Variants in LRRC3B observed in about 807,000 individuals in gnomAD.
LRRC3B encodes the protein leucine rich repeat containing 3B.
Under a neutral mutation model 12.8 loss-of-function variants are expected in LRRC3B, and 2 were observed. The observed-to-expected ratio is 0.16, with a 90% CI of 0.06 to 0.49. LRRC3B has a LOEUF of 0.49. LRRC3B is among the 20% of genes least tolerant of loss of function. The pLI, the probability that LRRC3B is intolerant of heterozygous loss-of-function variation, is 0.96. For synonymous variants in LRRC3B, 132 were observed against 122.0 expected, an observed-to-expected ratio of 1.08 and a Z score of -0.54; for missense variants, 189 against 319.4, an observed-to-expected ratio of 0.59 and a Z score of 3.11.
chr3:26,670,395 A>T (rs1365056360), intron 1 of LRRC3B, among the ~76,000 whole-genome samples: 1 of 152,198 alleles, frequency 6.6e-6, no homozygotes, highest in Non-Finnish European at 1.5e-5. Context: ...TAGATTATAC[A>T]GTGAAATGTT....
chr3:26,659,902 A>G (rs1248144142), intron 1 of LRRC3B, among the ~76,000 whole-genome samples: 1 of 152,188 alleles, frequency 6.6e-6, no homozygotes, highest in African/African-American at 2.4e-5. Context: ...TCTTTTGGAA[A>G]GGTGTTTCAT....
Position 26,709,594 on chromosome 3 carries a change from G to A in LRRC3B, c.-79G>A. On this transcript the variant is annotated 5_prime_UTR_variant, in exon 2 of 2. It adds an upstream start codon to the 5' untranslated region. Coordinates refer to ENST00000396641, the Ensembl canonical transcript of LRRC3B. The stretch of plus-strand genomic sequence containing the variant: ...GAAACACGCAAGAAGGAAATCAATA[G>A]TGTGGACAGGGCTGGAACCTTTACC... 7.3e-7 allele frequency: 1 copy of A among 1,379,066 alleles called. No homozygotes were observed. Among genetic ancestry groups the A allele is most frequent in the Non-Finnish European group, 1.0e-6 (1 of 994,920 alleles). 85.4% of individuals were successfully genotyped at this position (1,379,066 alleles called of 1,614,324 possible). A position where few individuals can be genotyped will look rare whatever the true frequency, so the allele number is the denominator to read the frequency against.
At chr3:26,658,893 GA>G (rs1033386576) in intron 1 of LRRC3B, among the ~76,000 whole-genome samples, 1 of 152,172 alleles carries the variant, frequency 6.6e-6, no homozygotes, top group Non-Finnish European at 1.5e-5. Context: ...CAAATTACCT[GA>G]AAAAAGGATT....
chr3:26,651,743 C>T (rs1699269065), intron 1 of LRRC3B, among the ~76,000 whole-genome samples: 2 of 152,146 alleles, frequency 1.3e-5, no homozygotes, highest in Admixed American at 6.5e-5. Context: ...TGCCTTTTTC[C>T]TAGCCTTACA....
intron 1 of LRRC3B, among the ~76,000 whole-genome samples, chr3:26,632,951 C>T (rs912786979): frequency 7.9e-5 from 12 of 152,152 alleles, no homozygotes; most frequent in Non-Finnish European, 1.3e-4. Flanking sequence ...ATCATGAAAT[C>T]AGCCATGGTA....
rs372629683 is a variant in LRRC3B at position 26,691,105 on chromosome 3, G to GTGTGTATATA, written c.-160-18407_-160-18406insGTGTATATAT. ...TGTGTGTGTATATGTGTGTGTGTGT[G>GTGTGTATATA]TATATATATATATATATATATATAT... is the stretch of plus-strand genomic sequence containing the variant. On this transcript the variant is annotated intron_variant, in intron 1 of 1. Coordinates refer to ENST00000396641, the Ensembl canonical transcript of LRRC3B. Among the ~76,000 whole-genome samples the GTGTGTATATA allele has an allele frequency of 2.2e-3, 186 of 84,830 alleles. 1 individual carries two copies. The highest frequency in any genetic ancestry group is 7.8e-3 in the African/African-American group (170 of 21,864). 55.7% of individuals were successfully genotyped at this position (84,830 alleles called of 152,430 possible).
At chr3:26,695,102 ATTTTTCT>A (rs1196644070) in intron 1 of LRRC3B, among the ~76,000 whole-genome samples, 4 of 152,066 alleles carry the variant, frequency 2.6e-5, no homozygotes, top group African/African-American at 9.7e-5. Flanking sequence ...ACACATTCAA[ATTTTTCT>A]CTCAGTGATA....
chr3:26,706,416 C>A (rs984941787), intron 1 of LRRC3B, among the ~76,000 whole-genome samples: 3 of 152,104 alleles, frequency 2.0e-5, no homozygotes, highest in African/African-American at 4.8e-5. Context: ...AGTAGCTCAG[C>A]AATATAGCCA....
chr3:26,671,365 T>TGTAG (rs1699731976), intron 1 of LRRC3B, among the ~76,000 whole-genome samples: 1 of 43,448 alleles, frequency 2.3e-5, no homozygotes, highest in Non-Finnish European at 4.3e-5. Context: ...TATATATATA[T>TGTAG]ATATATATAG....
chr3:26,708,877 T>G (rs1233759614), intron 1 of LRRC3B, among the ~76,000 whole-genome samples: 3 of 152,150 alleles, frequency 2.0e-5, no homozygotes, highest in African/African-American at 7.2e-5. Flanking sequence ...CTCTGGAAAT[T>G]CAGTTAAAAG....
intron 1 of LRRC3B, among the ~76,000 whole-genome samples, chr3:26,671,350 GTATATATATATATATA>G (rs1161960755): frequency 1.8e-5 from 1 of 56,748 alleles, no homozygotes; most frequent in African/African-American, 8.3e-5. Flanking sequence ...ATATATGTGT[GTATATATATATATATA>G]TATATATAGA....
At chr3:26,689,072 C>T (rs1288141936) in intron 1 of LRRC3B, among the ~76,000 whole-genome samples, 3 of 152,132 alleles carry the variant, frequency 2.0e-5, no homozygotes, top group Non-Finnish European at 2.9e-5. Context: ...TGCAGACCTG[C>T]GATGTTTCCT....
At chr3:26,645,004 A>G (rs1699113226) in intron 1 of LRRC3B, among the ~76,000 whole-genome samples, 2 of 152,204 alleles carry the variant, frequency 1.3e-5, no homozygotes, top group South Asian at 4.1e-4. Flanking sequence ...ACATACATAT[A>G]TGCATAGATA....
At chr3:26,653,938 T>C (rs537696567) in intron 1 of LRRC3B, among the ~76,000 whole-genome samples, 3 of 151,808 alleles carry the variant, frequency 2.0e-5, no homozygotes, top group Non-Finnish European at 1.5e-5. Flanking sequence ...ATAATGCCCA[T>C]ACCTGGTGGC....
intron 1 of LRRC3B, among the ~76,000 whole-genome samples, chr3:26,686,877 C>T: frequency 6.6e-6 from 1 of 152,154 alleles, no homozygotes; most frequent in East Asian, 1.9e-4. Context: ...CAGAGTTGTC[C>T]CATATTAGGC....
chr3:26,709,364 C>T (rs1482350319), intron 1 of LRRC3B, 149 bp from the exon 2 acceptor site: 3 of 354,826 alleles, frequency 8.5e-6, no homozygotes, highest in South Asian at 4.7e-5. Flanking sequence ...ACTCCCATTT[C>T]GCAGATAACT....
At chr3:26,658,172 G>A (rs901741856) in intron 1 of LRRC3B, among the ~76,000 whole-genome samples, 3 of 152,046 alleles carry the variant, frequency 2.0e-5, no homozygotes, top group Admixed American at 6.5e-5. Flanking sequence ...GGCCTCCCGG[G>A]TTCACGCCAT....
intron 1 of LRRC3B, among the ~76,000 whole-genome samples, chr3:26,643,251 T>TGTAA (rs1699070041): frequency 1.7e-5 from 2 of 115,800 alleles, no homozygotes; most frequent in South Asian, 3.3e-4. Context: ...CACACATATG[T>TGTAA]GTGAGTGTGT....
rs5847410 is a variant in LRRC3B at position 26,628,845 on chromosome 3, T to TAAAA, written c.-161+5623_-161+5626dup. Among the ~76,000 whole-genome samples the TAAAA allele has an allele frequency of 5.8e-5, 8 of 137,040 alleles. 1 individual carries two copies. The highest frequency in any genetic ancestry group is 2.1e-4 in the African/African-American group (8 of 37,310). 89.9% of individuals were successfully genotyped at this position (137,040 alleles called of 152,430 possible). ...TCAAAATAGATAAATGAGTAAATACTAAAAAAAAAAAAAAAAAATCCTCCA... is the reference window on the plus strand; with the variant it reads ...TCAAAATAGATAAATGAGTAAATACTAAAAAAAAAAAAAAAAAAAAAATCCTCCA... On this transcript the variant is annotated intron_variant, in intron 1 of 1. Transcript: ENST00000396641.
Sources: gnomAD v4.1 joint callset for allele counts (sites outside exome capture counted in the v4.1 genomes callset) on GRCh38, gnomAD v4.1.1 for gene constraint, MANE v1.5 for transcripts, NCBI Gene and HGNC (gene_info 2026-07-23, HGNC 2026-07-21) for gene names.